LUZP1: variants seen among roughly 807,000 people sequenced by gnomAD.
The protein encoded by LUZP1 is filamin mechanobinding actin cross-linking protein.
In LUZP1, 25 loss-of-function variants were observed where a neutral mutation model predicts 71.3. That is an observed-to-expected ratio of 0.35 (90% CI 0.26 to 0.49). LUZP1 has a LOEUF of 0.49. Ranked by LOEUF, LUZP1 falls within the 20% of genes least tolerant of loss-of-function variation. LUZP1 has a pLI of 0.99. For synonymous variants in LUZP1, 481 were observed against 506.4 expected (o/e 0.95, Z 0.67); for missense variants, 1,142 against 1,300.8 (o/e 0.88, Z 1.88).
chr1:23,150,992 T>C (rs771035279), intron 2 of LUZP1, among the ~76,000 whole-genome samples: 5 of 152,202 alleles, frequency 3.3e-5, no homozygotes, highest in Non-Finnish European at 5.9e-5. Flanking sequence ...GATAAATGAA[T>C]GCCACATGAC....
At chr1:23,150,109 G>A (rs1644372984) in intron 2 of LUZP1, among the ~76,000 whole-genome samples, 1 of 152,154 alleles carries the variant, frequency 6.6e-6, no homozygotes, top group African/African-American at 2.4e-5. Context: ...ACTCAATAGC[G>A]AAGGTGAAGA....
intron 2 of LUZP1, among the ~76,000 whole-genome samples, chr1:23,145,294 C>CCT (rs1644333496): frequency 6.6e-6 from 1 of 152,096 alleles, no homozygotes; most frequent in Admixed American, 6.6e-5. Context: ...CTAGACCCTA[C>CCT]CTCTCTCATA....
chr1:23,154,117 G>A (rs1369065824), intron 2 of LUZP1, among the ~76,000 whole-genome samples: 2 of 152,150 alleles, frequency 1.3e-5, no homozygotes, highest in Admixed American at 6.6e-5. Flanking sequence ...GAACATTCTG[G>A]AAAAGGCAAA....
intron 2 of LUZP1, among the ~76,000 whole-genome samples, chr1:23,133,257 T>C (rs1040922988): frequency 1.3e-4 from 20 of 152,210 alleles, no homozygotes; most frequent in African/African-American, 4.8e-4. Flanking sequence ...TTAAAAATAT[T>C]ATTTAATTAT....
At chr1:23,140,347 T>C (rs1005345298) in intron 2 of LUZP1, 9 of 152,148 alleles carry the variant, frequency 5.9e-5, no homozygotes, top group African/African-American at 2.2e-4. Flanking sequence ...ACCAAGCTCC[T>C]GGCCATCTCT....
At chr1:23,091,532 C>T (rs778090955) in exon 4 of LUZP1, 1 of 1,614,172 alleles carries the variant, frequency 6.2e-7, no homozygotes, top group Admixed American at 1.7e-5. Flanking sequence ...CTGAGAAGCC[C>T]ACTTCTGAAG....
rs770790321 is a variant in LUZP1 at position 23,126,485 on chromosome 1, CTCAG to C, written c.-225-17362_-225-17359del. 5.3e-5 allele frequency among the ~76,000 whole-genome samples: 8 copies of C among 152,214 alleles called. No homozygotes were observed. In the East Asian group the frequency reaches 7.7e-4, roughly 15 times the overall value. On this transcript the variant is annotated intron_variant, in intron 2 of 4. Transcript: ENST00000302291. The stretch of plus-strand genomic sequence containing the variant: ...TCCTGTTTTACTTCTCTTCATGGTT[CTCAG>C]TATTTCCTGAGATTCATTATATTTT...
chr1:23,160,516 CACACCCTAAT>C (rs1337896303), intron 2 of LUZP1, among the ~76,000 whole-genome samples: 1 of 152,238 alleles, frequency 6.6e-6, no homozygotes, highest in African/African-American at 2.4e-5. Context: ...CCTGTACTTT[CACACCCTAAT>C]AGTCTCTATA....
chr1:23,169,413 G>C (rs1317735259), intron 1 of LUZP1, among the ~76,000 whole-genome samples: 7 of 152,138 alleles, frequency 4.6e-5, no homozygotes, highest in Admixed American at 4.6e-4. Context: ...CAATGGAAAG[G>C]TGCTTAGCCT....
intron 2 of LUZP1, among the ~76,000 whole-genome samples, 157 bp from the exon 2 acceptor site, chr1:23,109,284 A>T (rs1399264215): frequency 6.6e-6 from 1 of 152,204 alleles, no homozygotes; most frequent in Admixed American, 6.5e-5. Flanking sequence ...CACTAAAGGA[A>T]CCTGGCTAAG....
chr1:23,104,805 C>A (rs1238344060), intron 3 of LUZP1, among the ~76,000 whole-genome samples: 1 of 152,186 alleles, frequency 6.6e-6, no homozygotes, highest in South Asian at 2.1e-4. Flanking sequence ...CTAGGCACTA[C>A]ATTCTAGGAA....
At position 23,093,758 on chromosome 1, in the gene LUZP1, A is replaced by C. The variant is rs138600949; in HGVS notation, c.504T>G (p.Ser168=). The change falls in exon 4 of 5, where the codon TCT becomes TCG. Residue 168 remains serine (S), a synonymous_variant. Transcript: ENST00000302291. The surrounding 1 kb of genome is among the most constrained non-coding windows in gnomAD (Gnocchi z 4.2). ...GCTCAGTTTTATCCAGGCGGTCCTC[A>C]GAAGATTCTAGTTCTTTCACTTTGA... 9 of 1,613,898 alleles carry C rather than the reference A, an allele frequency of 5.6e-6. No homozygotes were observed. The South Asian group carries it at 7.7e-5, about 14-fold the overall frequency.
In LUZP1 at chr1:23,094,639, T is replaced by C. The variant is rs2124602347; in HGVS notation, c.-119-259A>G. On this transcript the variant is annotated intron_variant, in intron 3 of 4. Transcript: ENST00000302291. The surrounding 1 kb of genome is among the most constrained non-coding windows in gnomAD (Gnocchi z 4.7). Reference sequence around the variant, plus strand: ...CAAAAAGACATATAAGAAGCCTCAATTTTCATGGCAGGGTATAATAACATC... The same window carrying C: ...CAAAAAGACATATAAGAAGCCTCAACTTTCATGGCAGGGTATAATAACATC... Among the ~76,000 whole-genome samples, 1 of 152,304 alleles carries C rather than the reference T, an allele frequency of 6.6e-6. No homozygotes were observed. Among genetic ancestry groups the C allele is most frequent in the Non-Finnish European group, 1.5e-5 (1 of 68,030 alleles).
At chr1:23,171,266 G>A (rs1644551525) in intron 1 of LUZP1, among the ~76,000 whole-genome samples, 1 of 152,144 alleles carries the variant, frequency 6.6e-6, no homozygotes. Flanking sequence ...GAAGAGGCTT[G>A]CTGAAAGTGG....
intron 4 of LUZP1, 134 bp downstream of exon 3, chr1:23,091,056 G>A: frequency 1.0e-6 from 1 of 979,158 alleles, no homozygotes; most frequent in South Asian, 1.5e-5. Context: ...TTTTTCAACA[G>A]TTCTCTAAGG....
chr1:23,102,385 A>C (rs952685474), intron 3 of LUZP1, among the ~76,000 whole-genome samples: 7 of 152,146 alleles, frequency 4.6e-5, no homozygotes, highest in Non-Finnish European at 8.8e-5. Context: ...AATAGAACAT[A>C]ATCAGGCCTG....
intron 2 of LUZP1, among the ~76,000 whole-genome samples, chr1:23,136,265 G>C (rs907726846): frequency 6.6e-6 from 1 of 150,654 alleles, no homozygotes; most frequent in Non-Finnish European, 1.5e-5. Flanking sequence ...CCAGCACTTT[G>C]GGAGGCTGAG....
chr1:23,164,046 C>G (rs1644490538), intron 2 of LUZP1: 1 of 152,126 alleles, frequency 6.6e-6, no homozygotes, highest in Non-Finnish European at 1.5e-5. Context: ...TTATAGTCAC[C>G]CCTTTGAGTA....
intron 2 of LUZP1, chr1:23,162,696 G>T (rs544178014): frequency 3.9e-5 from 6 of 152,158 alleles, no homozygotes; most frequent in African/African-American, 1.4e-4. Context: ...GATAAAAACA[G>T]GAATAGAGTG....
Sources: gnomAD v4.1 joint callset for allele counts (sites outside exome capture counted in the v4.1 genomes callset) on GRCh38, gnomAD v4.1.1 for gene constraint, Gnocchi (gnomAD v3.1) non-coding constraint, MANE v1.5 for transcripts, NCBI Gene and HGNC (gene_info 2026-07-23, HGNC 2026-07-21) for gene names.